The following ADAMTS17 variants were observed in gnomAD, a reference collection of about 807,000 sequenced individuals.
ADAMTS17 encodes A disintegrin and metalloproteinase with thrombospondin motifs 17.
A neutral mutation model predicts 141.5 loss-of-function variants in ADAMTS17; 113 were observed. The ratio of observed to expected loss-of-function variants is 0.80; its 90% CI spans 0.69 to 0.93. The LOEUF (loss-of-function observed/expected upper bound fraction) is 0.93. ADAMTS17 is among the 40% of genes least tolerant of loss of function. The pLI, the probability that ADAMTS17 is intolerant of heterozygous loss-of-function variation, is 0.00. For synonymous variants in ADAMTS17, 768 were observed against 630.6 expected, an observed-to-expected ratio of 1.22 and a Z score of -3.27; for missense variants, 1,659 against 1,517.9, an observed-to-expected ratio of 1.09 and a Z score of -1.54.
At chr15:100,317,572 A>G (rs1294351070) in intron 3 of ADAMTS17, among the ~76,000 whole-genome samples, 1 of 152,156 alleles carries the variant, frequency 6.6e-6, no homozygotes, top group Non-Finnish European at 1.5e-5. Flanking sequence ...GAAATGCCAC[A>G]GGGCTGTGCT....
intron 8 of ADAMTS17, among the ~76,000 whole-genome samples, chr15:100,179,583 C>G (rs2040454984): frequency 6.6e-6 from 1 of 152,166 alleles, no homozygotes; most frequent in Non-Finnish European, 1.5e-5. Flanking sequence ...TGCTGGATCA[C>G]AAAAATAGTT....
intron 18 of ADAMTS17, among the ~76,000 whole-genome samples, chr15:100,044,707 C>G (rs1231047463): frequency 6.6e-6 from 1 of 152,092 alleles, no homozygotes; most frequent in African/African-American, 2.4e-5. Context: ...CCCTATATGA[C>G]TAGTAATTTT....
chr15:100,053,860 C>T (rs1218889354), intron 16 of ADAMTS17, 37 bp downstream of exon 16: 4 of 1,614,022 alleles, frequency 2.5e-6, no homozygotes, highest in East Asian at 4.5e-5. Flanking sequence ...CTCGGAGCCA[C>T]ACCCCCTAAG....
chr15:100,125,780 C>T (rs1052214538), intron 12 of ADAMTS17, among the ~76,000 whole-genome samples: 3 of 152,114 alleles, frequency 2.0e-5, no homozygotes, highest in Admixed American at 6.5e-5. Context: ...AAGGCCTCCA[C>T]GTCAGCTAGC....
At chr15:100,221,132 A>G (rs2042120539) in intron 7 of ADAMTS17, among the ~76,000 whole-genome samples, 1 of 152,136 alleles carries the variant, frequency 6.6e-6, no homozygotes, top group African/African-American at 2.4e-5. Flanking sequence ...TTGACGGGCA[A>G]ACGCTTATGT....
chr15:100,212,777 G>T (rs1171928488), intron 7 of ADAMTS17, among the ~76,000 whole-genome samples: 1 of 129,918 alleles, frequency 7.7e-6, no homozygotes. Context: ...ATGAGGAAAG[G>T]TCTCACATTA....
At chr15:100,110,360 G>T (rs2036694279) in intron 13 of ADAMTS17, among the ~76,000 whole-genome samples, 2 of 151,232 alleles carry the variant, frequency 1.3e-5, no homozygotes, top group African/African-American at 4.9e-5. Context: ...CGCCTCCCAG[G>T]TTCATGCCAT....
In ADAMTS17 at chr15:100,165,159, T is replaced by TA. The variant is rs377179791; in HGVS notation, c.1182-9840dup. ...GTGAAATGCTGTTTTCTGGTCCTAA[T>TA]AGATTCCATGGGCTCACCAGCTCCT... On this transcript the variant is annotated intron_variant, in intron 8 of 21. Coordinates refer to ENST00000268070, the MANE Select transcript of ADAMTS17 (RefSeq NM_139057.4). 2.5e-3 allele frequency among the ~76,000 whole-genome samples: 387 copies of TA among 152,308 alleles called. 5 individuals carry two copies. Among genetic ancestry groups the TA allele is most frequent in the African/African-American group, 9.1e-3 (380 of 41,562 alleles).
chr15:100,301,332 T>C (rs1480319334), intron 3 of ADAMTS17, among the ~76,000 whole-genome samples: 1 of 148,484 alleles, frequency 6.7e-6, no homozygotes, highest in Non-Finnish European at 1.5e-5. Context: ...GTTATATATA[T>C]ATATATATTT....
chr15:100,140,273 G>T (rs557632893), intron 10 of ADAMTS17, among the ~76,000 whole-genome samples: 18 of 152,298 alleles, frequency 1.2e-4, no homozygotes, highest in African/African-American at 4.1e-4. Context: ...TGGGATTACA[G>T]GCATGAGCCA....
chr15:100,050,910 C>G (rs2032086027), intron 17 of ADAMTS17, among the ~76,000 whole-genome samples: 1 of 152,208 alleles, frequency 6.6e-6, no homozygotes, highest in Non-Finnish European at 1.5e-5. Context: ...TCCTATTGCC[C>G]CCTCTCAATG....
intron 7 of ADAMTS17, among the ~76,000 whole-genome samples, chr15:100,247,451 C>T (rs1247141237): frequency 6.6e-6 from 1 of 152,168 alleles, no homozygotes; most frequent in African/African-American, 2.4e-5. Context: ...CATACCAACA[C>T]CACTGTAACA....
intron 20 of ADAMTS17, among the ~76,000 whole-genome samples, chr15:99,982,300 T>C (rs1486133449): frequency 6.6e-6 from 1 of 152,194 alleles, no homozygotes; most frequent in Non-Finnish European, 1.5e-5. Flanking sequence ...TTAGCACTCC[T>C]TGGGCTGCCC....
At chr15:100,160,239 A>G (rs1194524712) in intron 8 of ADAMTS17, among the ~76,000 whole-genome samples, 1 of 152,196 alleles carries the variant, frequency 6.6e-6, no homozygotes, top group African/African-American at 2.4e-5. Context: ...GGCATCTCCC[A>G]CCTCAGGTAA....
chr15:100,106,573 C>A (rs757734006), intron 14 of ADAMTS17, among the ~76,000 whole-genome samples: 18 of 152,316 alleles, frequency 1.2e-4, no homozygotes, highest in Middle Eastern at 6.8e-3. Flanking sequence ...AAATTATGTC[C>A]AGCCAGTAAC....
At chr15:100,318,860 C>T (rs994856352) in intron 3 of ADAMTS17, among the ~76,000 whole-genome samples, 1 of 152,206 alleles carries the variant, frequency 6.6e-6, no homozygotes, top group African/African-American at 2.4e-5. Context: ...GGCCAGGACC[C>T]CAGAGTGGCT....
intron 14 of ADAMTS17, among the ~76,000 whole-genome samples, chr15:100,100,051 G>A (rs2036000454): frequency 6.6e-6 from 1 of 152,132 alleles, no homozygotes; most frequent in Admixed American, 6.5e-5. Context: ...CGTCCGCTGT[G>A]TGTAACGCCC....
chr15:100,118,755 G>C (rs1032649444), intron 12 of ADAMTS17, among the ~76,000 whole-genome samples: 1 of 152,160 alleles, frequency 6.6e-6, no homozygotes, highest in Non-Finnish European at 1.5e-5. Flanking sequence ...AAGCCACATG[G>C]ATCAGTAGGA....
intron 20 of ADAMTS17, among the ~76,000 whole-genome samples, chr15:99,981,403 G>C (rs2060479983): frequency 1.3e-5 from 2 of 152,188 alleles, no homozygotes; most frequent in Admixed American, 6.5e-5. Context: ...CAAGGGCTCT[G>C]CCCCTTGTAG....
Sources: gnomAD v4.1 joint callset for allele counts (sites outside exome capture counted in the v4.1 genomes callset) on GRCh38, gnomAD v4.1.1 for gene constraint, MANE v1.5 for transcripts, NCBI Gene and HGNC (gene_info 2026-07-23, HGNC 2026-07-21) for gene names.